Variants in MTMR12 observed in about 807,000 individuals in gnomAD.
The protein encoded by MTMR12 is myotubularin related protein 12, also known as myotubularin-related protein 12.
In MTMR12, 33 loss-of-function variants were observed where a neutral mutation model predicts 96.7. The observed-to-expected ratio is 0.34, with a 90% CI of 0.26 to 0.46. MTMR12 has a LOEUF of 0.46. Ranked by LOEUF, MTMR12 falls within the 20% of genes least tolerant of loss-of-function variation. The pLI is 1.00. For missense variants in MTMR12, 721 were observed against 896.1 expected (o/e 0.80, Z 2.49); for synonymous variants, 298 against 327.2 (o/e 0.91, Z 0.96).
At chr5:32,297,984 C>T (rs1451121816) in intron 1 of MTMR12, among the ~76,000 whole-genome samples, 3 of 152,224 alleles carry the variant, frequency 2.0e-5, no homozygotes, top group Non-Finnish European at 4.4e-5. Context: ...CTCCCAAATC[C>T]AAGCTAATGC....
At chr5:32,287,389 T>C (rs1288205098) in intron 1 of MTMR12, among the ~76,000 whole-genome samples, 2 of 152,234 alleles carry the variant, frequency 1.3e-5, no homozygotes, top group Non-Finnish European at 1.5e-5. Flanking sequence ...CTTTCTCCTG[T>C]GCTGGATGTT....
chr5:32,241,983 A>G, intron 12 of MTMR12, 74 bp downstream of exon 12: 1 of 1,249,486 alleles, frequency 8.0e-7, no homozygotes, highest in Non-Finnish European at 1.2e-6. Context: ...CCAAATACAT[A>G]AAGCTACATA....
At chr5:32,270,641 C>T (rs59928961) in intron 5 of MTMR12, among the ~76,000 whole-genome samples, 176 bp downstream of exon 5, 1 of 152,020 alleles carries the variant, frequency 6.6e-6, no homozygotes, top group African/African-American at 2.4e-5. Context: ...ATGATACACA[C>T]GCATGCTTTA....
intron 7 of MTMR12, among the ~76,000 whole-genome samples, chr5:32,257,456 T>C (rs1394474661): frequency 2.6e-5 from 4 of 152,072 alleles, no homozygotes; most frequent in Non-Finnish European, 4.4e-5. Context: ...TTTCCTTTTA[T>C]ACTACTTGAA....
In MTMR12 at chr5:32,228,955, A is replaced by G. The variant is rs1747880731; in HGVS notation, c.*823T>C. 6.6e-6 allele frequency: 1 copy of G among 152,102 alleles called. No homozygotes were observed. 9.4% of individuals were successfully genotyped at this position (152,102 alleles called of 1,614,324 possible). A position where few individuals can be genotyped will look rare whatever the true frequency, so the allele number is the denominator to read the frequency against. Reference sequence around the variant, plus strand: ...ACAAGGAGAGACTCCAGAGGAATGGACGCTCCTCAGGAAGGATCTCAGGCA... The same window carrying G: ...ACAAGGAGAGACTCCAGAGGAATGGGCGCTCCTCAGGAAGGATCTCAGGCA... On this transcript the variant is annotated 3_prime_UTR_variant, in exon 16 of 16. Coordinates refer to ENST00000382142, the MANE Select transcript of MTMR12 (RefSeq NM_001040446.3).
chr5:32,228,544 T>TCA lies in MTMR12; in HGVS notation c.*1232_*1233dup, dbSNP rs1747828901. The TCA allele has an allele frequency of 1.4e-5, 2 of 140,276 alleles. No individual in the cohort carries two copies. The highest frequency in any genetic ancestry group is 2.2e-4 in the South Asian group (1 of 4,580). 8.7% of individuals were successfully genotyped at this position (140,276 alleles called of 1,614,324 possible). The stretch of plus-strand genomic sequence containing the variant: ...ATATATCATATATATGATATATATA[T>TCA]CATATATATGTGATATATATATATC... On this transcript the variant is annotated 3_prime_UTR_variant, in exon 16 of 16. Coordinates refer to ENST00000382142, the MANE Select transcript of MTMR12 (RefSeq NM_001040446.3).
intron 1 of MTMR12, among the ~76,000 whole-genome samples, chr5:32,298,817 G>A (rs1280777355): frequency 1.3e-5 from 2 of 151,970 alleles, no homozygotes; most frequent in Admixed American, 1.3e-4. Flanking sequence ...GCTGGGCGTG[G>A]TGGCAGGCGT....
chr5:32,280,656 G>C (rs1312626082), intron 1 of MTMR12, among the ~76,000 whole-genome samples: 2 of 151,992 alleles, frequency 1.3e-5, no homozygotes, highest in African/African-American at 4.8e-5. Flanking sequence ...TATTTTCTCT[G>C]TGCATGTACT....
chr5:32,297,874 G>A (rs1393752526), intron 1 of MTMR12, among the ~76,000 whole-genome samples: 1 of 152,072 alleles, frequency 6.6e-6, no homozygotes, highest in Non-Finnish European at 1.5e-5. Context: ...TCTTATTATC[G>A]GTGAACCACA....
chr5:32,236,238 C>T (rs978482575), intron 13 of MTMR12, among the ~76,000 whole-genome samples: 1 of 152,154 alleles, frequency 6.6e-6, no homozygotes, highest in African/African-American at 2.4e-5. Flanking sequence ...TGCCAGTCCC[C>T]CTTTTCTCAA....
chr5:32,240,799 T>C (rs992071956), intron 12 of MTMR12, among the ~76,000 whole-genome samples: 18 of 152,100 alleles, frequency 1.2e-4, no homozygotes, highest in Non-Finnish European at 2.5e-4. Context: ...CAGGGTTTCG[T>C]CATGTTGGCC....
At chr5:32,308,998 T>C (rs1348331494) in intron 1 of MTMR12, among the ~76,000 whole-genome samples, 1 of 152,224 alleles carries the variant, frequency 6.6e-6, no homozygotes, top group Non-Finnish European at 1.5e-5. Flanking sequence ...CAACGAGGCA[T>C]AGTGTCTGCA....
intron 7 of MTMR12, among the ~76,000 whole-genome samples, chr5:32,259,005 A>C (rs1749251592): frequency 6.6e-6 from 1 of 151,936 alleles, no homozygotes; most frequent in Admixed American, 6.6e-5. Flanking sequence ...CACTGCAGTC[A>C]GTGAGAGGTG....
intron 13 of MTMR12, among the ~76,000 whole-genome samples, chr5:32,235,505 A>C (rs1175773006): frequency 6.6e-6 from 1 of 152,236 alleles, no homozygotes; most frequent in Non-Finnish European, 1.5e-5. Context: ...CTGTATTACC[A>C]AACAATGTAC....
intron 1 of MTMR12, among the ~76,000 whole-genome samples, chr5:32,282,238 T>C (rs1750326449): frequency 6.6e-6 from 1 of 151,744 alleles, no homozygotes; most frequent in Admixed American, 6.6e-5. Context: ...AAAAATTAGC[T>C]GGTGAAACCC....
intron 1 of MTMR12, among the ~76,000 whole-genome samples, chr5:32,309,278 A>G (rs562652667): frequency 6.6e-6 from 1 of 152,350 alleles, no homozygotes; most frequent in Non-Finnish European, 1.5e-5. Flanking sequence ...AAGTTTAAAG[A>G]TCAGTTGCAC....
At position 32,312,622 on chromosome 5, in the gene MTMR12, C is replaced by G. The variant is rs1403149382; in HGVS notation, c.81+136G>C. On this transcript the variant is annotated intron_variant, in intron 1 of 15. Coordinates refer to ENST00000382142, the MANE Select transcript of MTMR12 (RefSeq NM_001040446.3). The surrounding 1 kb of genome is among the most constrained non-coding windows in gnomAD (Gnocchi z 5.0). Reference sequence around the variant, plus strand: ...CCCCAGCGCGCTCCTGCGGCCTCAGCCCGCCTGGCTGCCCCGTCGCCCGGC... The same window carrying G: ...CCCCAGCGCGCTCCTGCGGCCTCAGGCCGCCTGGCTGCCCCGTCGCCCGGC... The G allele has an allele frequency of 1.4e-5, 11 of 814,438 alleles. No individual in the cohort carries two copies. Among genetic ancestry groups the G allele is most frequent in the Non-Finnish European group, 1.8e-5 (11 of 623,536 alleles). 50.5% of individuals were successfully genotyped at this position (814,438 alleles called of 1,614,324 possible). A position where few individuals can be genotyped will look rare whatever the true frequency, so the allele number is the denominator to read the frequency against.
intron 11 of MTMR12, among the ~76,000 whole-genome samples, chr5:32,242,671 C>A (rs968518353): frequency 2.0e-5 from 3 of 151,672 alleles, no homozygotes; most frequent in Non-Finnish European, 4.4e-5. Flanking sequence ...CCTCTCCTAC[C>A]CCCCAGCCAC....
chr5:32,259,943 G>A (rs531045463), intron 7 of MTMR12, among the ~76,000 whole-genome samples: 3 of 151,796 alleles, frequency 2.0e-5, no homozygotes, highest in Admixed American at 2.0e-4. Context: ...GGCTGAGGCA[G>A]GAGAATCGCT....
Sources: allele counts gnomAD v4.1 joint callset (sites outside exome capture counted in the v4.1 genomes callset), GRCh38; gene constraint gnomAD v4.1.1; non-coding constraint Gnocchi (gnomAD v3.1); transcripts MANE v1.5; gene names NCBI Gene and HGNC (gene_info 2026-07-23, HGNC 2026-07-21).